SCD5: variants seen among roughly 807,000 people sequenced by gnomAD.
The protein encoded by SCD5 is stearoyl-CoA desaturase 5, also known as acyl-CoA-desaturase 4.
In SCD5, 20 loss-of-function variants were observed where a neutral mutation model predicts 30.4. That is an observed-to-expected ratio of 0.66 (90% CI 0.46 to 0.96). SCD5 has a LOEUF of 0.96. SCD5 is among the 40% of genes least tolerant of loss of function. SCD5 has a pLI of 0.00. For synonymous variants in SCD5, 173 were observed against 176.4 expected, an observed-to-expected ratio of 0.98 and a Z score of 0.16; for missense variants, 381 against 443.3, an observed-to-expected ratio of 0.86 and a Z score of 1.26.
In SCD5 at chr4:82,630,406, A is replaced by G. The variant is rs991196908; in HGVS notation, c.*921T>C. The G allele has an allele frequency of 1.3e-5, 2 of 152,204 alleles. No homozygotes were observed. Among genetic ancestry groups the G allele is most frequent in the Non-Finnish European group, 2.9e-5 (2 of 68,026 alleles). 9.4% of individuals were successfully genotyped at this position (152,204 alleles called of 1,614,324 possible). A position where few individuals can be genotyped will look rare whatever the true frequency, so the allele number is the denominator to read the frequency against. On this transcript the variant is annotated 3_prime_UTR_variant, in exon 5 of 5. Coordinates refer to ENST00000319540, the MANE Select transcript of SCD5 (RefSeq NM_001037582.3). ...AACAGAAACATTCTTTAGTTACCACATAGATCCCCCTTCTGTCTTCTACCC... is the reference window on the plus strand; with the variant it reads ...AACAGAAACATTCTTTAGTTACCACGTAGATCCCCCTTCTGTCTTCTACCC...
chr4:82,783,137 G>A (rs758355490), intron 1 of SCD5, among the ~76,000 whole-genome samples: 1 of 152,168 alleles, frequency 6.6e-6, no homozygotes, highest in Admixed American at 6.5e-5. Context: ...AGATGACTCC[G>A]ATGCAGACGG....
At chr4:82,707,606 C>T (rs1382919242) in intron 1 of SCD5, among the ~76,000 whole-genome samples, 1 of 152,240 alleles carries the variant, frequency 6.6e-6, no homozygotes, top group Non-Finnish European at 1.5e-5. Flanking sequence ...CAGATTCTCT[C>T]TTGAGCTGGC....
At chr4:82,633,972 T>C (rs1727372575) in intron 4 of SCD5, among the ~76,000 whole-genome samples, 1 of 152,018 alleles carries the variant, frequency 6.6e-6, no homozygotes, top group Non-Finnish European at 1.5e-5. Context: ...GATTTGCCTA[T>C]TTCAGACACT....
At chr4:82,786,978 G>GT (rs1430606809) in intron 1 of SCD5, among the ~76,000 whole-genome samples, 2 of 152,058 alleles carry the variant, frequency 1.3e-5, no homozygotes. Flanking sequence ...TTAAAATAAG[G>GT]TTTTCCGTCC....
At chr4:82,702,128 A>ATTTTTT (rs1162863297) in intron 2 of SCD5, among the ~76,000 whole-genome samples, 4 of 84,794 alleles carry the variant, frequency 4.7e-5, no homozygotes, top group South Asian at 4.1e-4. Context: ...CCCCATCATC[A>ATTTTTT]TCTTTTTTTT....
intron 1 of SCD5, among the ~76,000 whole-genome samples, chr4:82,773,293 G>GCAC (rs577909321): frequency 7.5e-4 from 114 of 152,288 alleles, no homozygotes; most frequent in Non-Finnish European, 1.4e-3. Flanking sequence ...ATATTGTTCA[G>GCAC]CACCACACCA....
At chr4:82,691,089 G>A (rs1389222520) in intron 2 of SCD5, among the ~76,000 whole-genome samples, 3 of 152,140 alleles carry the variant, frequency 2.0e-5, no homozygotes, top group Admixed American at 6.5e-5. Flanking sequence ...GCAGTGGTGC[G>A]ATCTTGGCTC....
At chr4:82,641,504 C>T (rs6535364) in intron 3 of SCD5, among the ~76,000 whole-genome samples, 87,274 of 151,752 alleles carry the variant, frequency 0.58, 25,870 homozygotes, top group Admixed American at 0.69. Flanking sequence ...TATGGGAGGG[C>T]TTGCTGACAC....
intron 1 of SCD5, among the ~76,000 whole-genome samples, chr4:82,731,753 T>C (rs1431909487): frequency 2.6e-5 from 4 of 152,178 alleles, no homozygotes; most frequent in Admixed American, 2.6e-4. Context: ...AGGCAGCAAG[T>C]GAGCTGCAGA....
intron 1 of SCD5, among the ~76,000 whole-genome samples, chr4:82,729,764 T>A (rs1424814083): frequency 1.3e-5 from 2 of 152,034 alleles, no homozygotes; most frequent in African/African-American, 2.4e-5. Context: ...AGAACATAAA[T>A]CTGTAAATGT....
At chr4:82,797,859 T>C (rs1184884645) in intron 1 of SCD5, among the ~76,000 whole-genome samples, 2 of 152,062 alleles carry the variant, frequency 1.3e-5, no homozygotes, top group Non-Finnish European at 1.5e-5. Context: ...CCAAGGTCCG[T>C]GACCCGCGGA....
At chr4:82,684,994 C>A (rs935171960) in intron 2 of SCD5, among the ~76,000 whole-genome samples, 1 of 152,152 alleles carries the variant, frequency 6.6e-6, no homozygotes, top group African/African-American at 2.4e-5. Flanking sequence ...CTTAAACATT[C>A]AAACAAATCA....
At chr4:82,707,626 G>C (rs111819401) in intron 1 of SCD5, among the ~76,000 whole-genome samples, 11 of 152,236 alleles carry the variant, frequency 7.2e-5, no homozygotes, top group Admixed American at 2.0e-4. Flanking sequence ...CTTTGATAAA[G>C]CAAGCTGCCA....
At chr4:82,690,875 T>C (rs2148824009) in intron 2 of SCD5, among the ~76,000 whole-genome samples, 1 of 152,284 alleles carries the variant, frequency 6.6e-6, no homozygotes, top group South Asian at 2.1e-4. Flanking sequence ...TTATAGTTTA[T>C]CGAGGAGACA....
At chr4:82,695,572 AG>A (rs1350608310) in intron 2 of SCD5, among the ~76,000 whole-genome samples, 35 of 152,328 alleles carry the variant, frequency 2.3e-4, no homozygotes, top group Admixed American at 2.0e-3. Context: ...TTCGGTGAGA[AG>A]GTAGAGTCAC....
rs571090410 is a variant in SCD5, at chr4:82,772,015, T to C, written c.232+26291A>G. ...AGCCCAACTTGGGGTTTCAGGAAAG[T>C]TTCCTGGTCAGGTAAAGCCCAGGCT... On this transcript the variant is annotated intron_variant, in intron 1 of 4. Coordinates refer to ENST00000319540, the MANE Select transcript of SCD5 (RefSeq NM_001037582.3). Among the ~76,000 whole-genome samples the C allele has an allele frequency of 7.9e-5, 12 of 152,296 alleles. No homozygotes were observed. The South Asian group carries it at 2.5e-3, about 32-fold the overall frequency.
At chr4:82,645,837 T>C (rs1176371689) in intron 3 of SCD5, among the ~76,000 whole-genome samples, 1 of 152,214 alleles carries the variant, frequency 6.6e-6, no homozygotes, top group African/African-American at 2.4e-5. Flanking sequence ...GAAGAAAGGA[T>C]TTGGGATTTC....
Position 82,705,334 on chromosome 4 carries a change from G to A in SCD5, c.312C>T (p.Ala104=). The change falls in exon 2 of 5, where the codon GCC becomes GCT. Residue 104 remains alanine, a synonymous_variant. Coordinates refer to ENST00000319540, the MANE Select transcript of SCD5 (RefSeq NM_001037582.3). ...HRLWSHRSYR[A]KLPLRIFLAV... Reference sequence around the variant, plus strand: ...CCAGAAATATCCTCAGAGGCAGCTTGGCCCGGTAGGACCTGTGGCTCCACA... The same window carrying A: ...CCAGAAATATCCTCAGAGGCAGCTTAGCCCGGTAGGACCTGTGGCTCCACA... 2.5e-6 allele frequency: 4 copies of A among 1,614,240 alleles called. No homozygotes were observed. The highest frequency in any genetic ancestry group is 3.4e-6 in the Non-Finnish European group (4 of 1,180,048).
At chr4:82,670,511 AAAG>A (rs1728288127) in intron 3 of SCD5, among the ~76,000 whole-genome samples, 1 of 152,178 alleles carries the variant, frequency 6.6e-6, no homozygotes, top group Non-Finnish European at 1.5e-5. Flanking sequence ...AAAGGCAGAA[AAAG>A]AATAAAAGAC....
Sources: allele counts gnomAD v4.1 joint callset (sites outside exome capture counted in the v4.1 genomes callset), GRCh38; gene constraint gnomAD v4.1.1; transcripts MANE v1.5; gene names NCBI Gene and HGNC (gene_info 2026-07-23, HGNC 2026-07-21).